Variants in PPIL6 observed in about 807,000 individuals in gnomAD.
PPIL6 encodes peptidylprolyl isomerase like 6, also known as probable inactive peptidyl-prolyl cis-trans isomerase-like 6.
Under a neutral mutation model 36.8 loss-of-function variants are expected in PPIL6, and 39 were observed. The observed-to-expected ratio is 1.06, with a 90% CI of 0.82 to 1.38. The LOEUF is 1.38. PPIL6 is among the 40% of genes most tolerant of loss of function. PPIL6 has a pLI of 0.00. For synonymous variants in PPIL6, 123 were observed against 134.1 expected (o/e 0.92, Z 0.57); for missense variants, 368 against 379.1 (o/e 0.97, Z 0.24).
In PPIL6 at chr6:109,400,084, T is replaced by G; in HGVS notation, c.775A>C (p.Ile259Leu). 1 of 1,613,942 alleles carries G rather than the reference T, an allele frequency of 6.2e-7. No individual in the cohort carries two copies. The highest frequency in any genetic ancestry group is 8.5e-7 in the Non-Finnish European group (1 of 1,179,818). Reference protein sequence around the residue: ...GRHSNGSQFYITLQATPYLDR... With the variant: ...GRHSNGSQFYLTLQATPYLDR... ...AGATAAGGAGTTGCTTGCAGTGTGA[T>G]ATAGAATTGTGACCCGTTGCTGTGA... Residue 259 changes from isoleucine (I) to leucine (L), a missense_variant, in exon 7 of 8, where the codon ATC becomes CTC. By Grantham distance (5) the Ile-to-Leu change is conservative (BLOSUM62 2). Coordinates refer to ENST00000521072, the MANE Select transcript of PPIL6 (RefSeq NM_173672.5).
At chr6:109,410,617 G>C (rs1425684407) in intron 6 of PPIL6, among the ~76,000 whole-genome samples, 2 of 152,094 alleles carry the variant, frequency 1.3e-5, no homozygotes, top group Non-Finnish European at 2.9e-5. Flanking sequence ...CCTGGACCTG[G>C]GAAATTGGGT....
intron 6 of PPIL6, among the ~76,000 whole-genome samples, chr6:109,412,566 A>C (rs1254398471): frequency 6.6e-6 from 1 of 152,224 alleles, no homozygotes; most frequent in Non-Finnish European, 1.5e-5. Flanking sequence ...AGAACACAAT[A>C]GAGAACCCAG....
At chr6:109,415,069 G>A (rs914028748) in intron 6 of PPIL6, among the ~76,000 whole-genome samples, 39 of 152,168 alleles carry the variant, frequency 2.6e-4, no homozygotes, top group African/African-American at 8.9e-4. Context: ...CTGAGGAGGA[G>A]GAAGAGAAGG....
chr6:109,438,477 G>A (rs1368406505), intron 1 of PPIL6, among the ~76,000 whole-genome samples: 1 of 151,900 alleles, frequency 6.6e-6, no homozygotes. Flanking sequence ...GTAGGTAAAA[G>A]TTTAAGAAAG....
intron 2 of PPIL6, among the ~76,000 whole-genome samples, chr6:109,434,254 G>C (rs979942074): frequency 1.3e-5 from 2 of 152,110 alleles, no homozygotes; most frequent in African/African-American, 4.8e-5. Flanking sequence ...TTGTTGGAAG[G>C]ATTATAATTT....
chr6:109,440,312 G>T, intron 1 of PPIL6, 144 bp downstream of exon 1: 1 of 1,076,616 alleles, frequency 9.3e-7, no homozygotes, highest in Non-Finnish European at 1.4e-6. Flanking sequence ...GACGGAGCCC[G>T]CCCGGCCAGG....
At chr6:109,433,701 C>G (rs1179292376) in intron 2 of PPIL6, among the ~76,000 whole-genome samples, 1 of 152,084 alleles carries the variant, frequency 6.6e-6, no homozygotes, top group East Asian at 1.9e-4. Flanking sequence ...ACCAAATGAG[C>G]TAAGAAGCAC....
intron 6 of PPIL6, among the ~76,000 whole-genome samples, chr6:109,400,651 T>G (rs979231574): frequency 3.3e-5 from 5 of 152,210 alleles, no homozygotes; most frequent in African/African-American, 1.2e-4. Context: ...ATTATTGGTT[T>G]ACATGGCATT....
chr6:109,418,894 A>T (rs1773401084), intron 6 of PPIL6, among the ~76,000 whole-genome samples: 2 of 152,170 alleles, frequency 1.3e-5, no homozygotes, highest in South Asian at 4.1e-4. Flanking sequence ...TCTAAGTATC[A>T]GCACGGGAAA....
chr6:109,438,919 A>T lies in PPIL6; in HGVS notation c.135+1537T>A, dbSNP rs1774613650. On this transcript the variant is annotated intron_variant, in intron 1 of 7. Transcript: ENST00000521072. The stretch of plus-strand genomic sequence containing the variant: ...AATTCTAAAAAATCAAAAGAATTGT[A>T]TTTCACGTTATGTGAAAATTATACG... Among the ~76,000 whole-genome samples the T allele has an allele frequency of 2.0e-5, 3 of 152,330 alleles. No homozygotes were observed. The East Asian group carries it at 5.8e-4, about 29-fold the overall frequency.
chr6:109,408,268 T>C (rs1042123691), intron 6 of PPIL6, among the ~76,000 whole-genome samples: 1 of 152,230 alleles, frequency 6.6e-6, no homozygotes, highest in Non-Finnish European at 1.5e-5. Flanking sequence ...AAGAATATGA[T>C]AATCTAATTT....
intron 6 of PPIL6, among the ~76,000 whole-genome samples, chr6:109,414,325 T>G (rs1582554210): frequency 6.6e-6 from 1 of 152,172 alleles, no homozygotes; most frequent in East Asian, 1.9e-4. Flanking sequence ...TATTTCCTCT[T>G]ATGTTCCTTG....
At chr6:109,412,538 A>G (rs1171935793) in intron 6 of PPIL6, among the ~76,000 whole-genome samples, 3 of 152,224 alleles carry the variant, frequency 2.0e-5, no homozygotes, top group African/African-American at 7.2e-5. Context: ...TGGCATAAAA[A>G]CAGACACATA....
intron 6 of PPIL6, 95 bp downstream of exon 6, chr6:109,419,092 C>T: frequency 1.2e-6 from 1 of 811,314 alleles, no homozygotes; most frequent in South Asian, 1.5e-5. Context: ...AGTATTGCCC[C>T]CAGTGATATC....
chr6:109,403,152 T>A (rs1210975799), intron 6 of PPIL6: 3 of 1,379,476 alleles, frequency 2.2e-6, no homozygotes, highest in Non-Finnish European at 2.9e-6. Context: ...TAAATTAAAT[T>A]TTTTTAGAGA....
chr6:109,428,723 T>A (rs922351937), intron 3 of PPIL6, among the ~76,000 whole-genome samples: 2 of 152,138 alleles, frequency 1.3e-5, no homozygotes, highest in Admixed American at 1.3e-4. Context: ...CATCTAGCAA[T>A]GAACTGTTCC....
chr6:109,422,523 G>A (rs1286127938), intron 5 of PPIL6, among the ~76,000 whole-genome samples: 1 of 152,174 alleles, frequency 6.6e-6, no homozygotes, highest in African/African-American at 2.4e-5. Context: ...CCAGGAGGTT[G>A]AGGCTGCAGC....
intron 6 of PPIL6, among the ~76,000 whole-genome samples, chr6:109,414,477 C>CTTTTTTTTTTTTTTTT (rs146541023): frequency 1.2e-5 from 1 of 86,512 alleles, no homozygotes; most frequent in Non-Finnish European, 2.0e-5. Flanking sequence ...TGTCTTTTAG[C>CTTTTTTTTTTTTTTTT]TTTTTTTTTT....
At chr6:109,432,911 T>G (rs1158096273) in intron 2 of PPIL6, among the ~76,000 whole-genome samples, 1 of 152,172 alleles carries the variant, frequency 6.6e-6, no homozygotes, top group Non-Finnish European at 1.5e-5. Flanking sequence ...TATTGCTTGC[T>G]TCCTATGCCC....
Sources: allele counts gnomAD v4.1 joint callset (sites outside exome capture counted in the v4.1 genomes callset), GRCh38; gene constraint gnomAD v4.1.1; transcripts MANE v1.5; gene names NCBI Gene and HGNC (gene_info 2026-07-23, HGNC 2026-07-21).